IMMP2L: variants seen among roughly 807,000 people sequenced by gnomAD.
IMMP2L encodes the protein inner mitochondrial membrane peptidase subunit 2.
Under a neutral mutation model 19.3 loss-of-function variants are expected in IMMP2L, and 18 were observed. The ratio of observed to expected loss-of-function variants is 0.93; its 90% confidence interval spans 0.64 to 1.38. IMMP2L has a LOEUF of 1.38. Ranked by LOEUF, IMMP2L falls within the 40% of genes most tolerant of loss-of-function variation. The pLI is 0.00. For synonymous variants in IMMP2L, 76 were observed against 73.0 expected (o/e 1.04, Z -0.21); for missense variants, 233 against 218.2 (o/e 1.07, Z -0.43).
At position 111,419,195 on chromosome 7, in the gene IMMP2L, C is replaced by T. The variant is rs575234267; in HGVS notation, c.239+68043G>A. Among the ~76,000 whole-genome samples the T allele has an allele frequency of 5.3e-5, 8 of 151,536 alleles. No individual in the cohort carries two copies. The South Asian group carries it at 1.7e-3, about 32-fold the overall frequency. The stretch of plus-strand genomic sequence containing the variant: ...AATATATGAAGAATATATTGGCAGA[C>T]AAGACTAAAAAATTTTGAATTATTA... On this transcript the variant is annotated intron_variant, in intron 3 of 5. Coordinates refer to ENST00000405709, the MANE Select transcript of IMMP2L (RefSeq NM_032549.4).
chr7:111,172,544 GCTGCTAATTATAGTCACC>G (rs1423426890), intron 3 of IMMP2L, among the ~76,000 whole-genome samples: 2 of 151,352 alleles, frequency 1.3e-5, no homozygotes, highest in Non-Finnish European at 3.0e-5. Context: ...ATAATACATT[GCTGCTAATTATAGTCACC>G]CTATCGTGCT....
At chr7:111,201,514 A>G (rs1208872035) in intron 3 of IMMP2L, among the ~76,000 whole-genome samples, 1 of 151,966 alleles carries the variant, frequency 6.6e-6, no homozygotes, top group Admixed American at 6.6e-5. Context: ...CTAGGAGTTC[A>G]AGATCAGCCT....
At chr7:111,030,940 C>T (rs1047607848) in intron 3 of IMMP2L, among the ~76,000 whole-genome samples, 56 of 136,754 alleles carry the variant, frequency 4.1e-4, no homozygotes, top group Non-Finnish European at 7.2e-4. Context: ...TATATATACA[C>T]GAGAATTAGA....
intron 5 of IMMP2L, among the ~76,000 whole-genome samples, chr7:110,830,164 G>A (rs1803842531): frequency 6.6e-6 from 1 of 152,146 alleles, no homozygotes; most frequent in South Asian, 2.1e-4. Context: ...GGAATGATTT[G>A]TAGTGTGCTT....
chr7:111,257,165 T>C (rs972499331), intron 3 of IMMP2L, among the ~76,000 whole-genome samples: 11 of 152,144 alleles, frequency 7.2e-5, no homozygotes, highest in Non-Finnish European at 1.5e-4. Context: ...GTTGGTAGTG[T>C]TTCACACAGA....
At chr7:110,864,298 AGAAATGG>A (rs758343033) in intron 5 of IMMP2L, among the ~76,000 whole-genome samples, 1 of 152,110 alleles carries the variant, frequency 6.6e-6, no homozygotes, top group African/African-American at 2.4e-5. Context: ...AAACAACAGT[AGAAATGG>A]GTTCAATGAG....
intron 3 of IMMP2L, among the ~76,000 whole-genome samples, chr7:111,473,758 T>C (rs1220053262): frequency 6.6e-6 from 1 of 152,300 alleles, no homozygotes; most frequent in East Asian, 1.9e-4. Flanking sequence ...GAAAGAAGTT[T>C]GGAGATTTCT....
intron 5 of IMMP2L, among the ~76,000 whole-genome samples, chr7:110,832,607 G>T (rs533194166): frequency 1.3e-5 from 2 of 152,044 alleles, no homozygotes; most frequent in Non-Finnish European, 2.9e-5. Flanking sequence ...CTCGAGCTAT[G>T]TACCTACCCA....
At chr7:111,441,720 TAAAAAAAA>T (rs11312650) in intron 3 of IMMP2L, among the ~76,000 whole-genome samples, 1 of 138,246 alleles carries the variant, frequency 7.2e-6, no homozygotes, top group African/African-American at 2.7e-5. Context: ...TTCAACTTGT[TAAAAAAAA>T]AAAAAAAAGA....
chr7:110,830,892 C>T (rs982867097), intron 5 of IMMP2L, among the ~76,000 whole-genome samples: 4 of 152,128 alleles, frequency 2.6e-5, no homozygotes, highest in Admixed American at 1.3e-4. Flanking sequence ...TCACCACAGA[C>T]GTATAGCAGC....
chr7:111,073,536 T>C (rs1459682169), intron 3 of IMMP2L, among the ~76,000 whole-genome samples: 4 of 152,196 alleles, frequency 2.6e-5, no homozygotes, highest in Non-Finnish European at 5.9e-5. Context: ...TCTCTCTTCC[T>C]GGCCATTTTC....
intron 4 of IMMP2L, among the ~76,000 whole-genome samples, chr7:110,894,887 T>C (rs1811165582): frequency 6.6e-6 from 1 of 152,198 alleles, no homozygotes; most frequent in Non-Finnish European, 1.5e-5. Context: ...TTCAATTTTT[T>C]ACATATGGTT....
chr7:110,841,133 T>C (rs999283310), intron 5 of IMMP2L, among the ~76,000 whole-genome samples: 1 of 152,052 alleles, frequency 6.6e-6, no homozygotes, highest in Admixed American at 6.6e-5. Flanking sequence ...ATCAGATGAA[T>C]TAACAAATGT....
intron 5 of IMMP2L, among the ~76,000 whole-genome samples, chr7:110,843,926 G>A (rs1009495035): frequency 3.2e-4 from 49 of 152,152 alleles, no homozygotes; most frequent in African/African-American, 1.2e-3. Context: ...GAAAGGGCAG[G>A]AGAGATCTCT....
At position 110,870,579 on chromosome 7, in the gene IMMP2L, C is replaced by T. The variant is rs1585088850; in HGVS notation, c.408+16014G>A. ...GTGTGTGTGTGCACGCGCATGTGTG[C>T]GTGTGTTCCATTTTGTTAGATGCAC... On this transcript the variant is annotated intron_variant, in intron 5 of 5. Coordinates refer to ENST00000405709, the MANE Select transcript of IMMP2L (RefSeq NM_032549.4). The surrounding 1 kb of genome is among the most constrained non-coding windows in gnomAD (Gnocchi z 4.2). Among the ~76,000 whole-genome samples the T allele has an allele frequency of 6.6e-6, 1 of 151,986 alleles. No homozygotes were observed. Among genetic ancestry groups the T allele is most frequent in the Non-Finnish European group, 1.5e-5 (1 of 67,980 alleles).
At chr7:110,796,771 G>GA (rs1245316103) in intron 5 of IMMP2L, among the ~76,000 whole-genome samples, 1 of 152,028 alleles carries the variant, frequency 6.6e-6, no homozygotes, top group Non-Finnish European at 1.5e-5. Flanking sequence ...GATCACAGGT[G>GA]AAAAGATAGG....
chr7:111,453,772 C>T (rs1839434776), intron 3 of IMMP2L, among the ~76,000 whole-genome samples: 1 of 152,112 alleles, frequency 6.6e-6, no homozygotes, highest in Non-Finnish European at 1.5e-5. Context: ...AAACTCAATC[C>T]TTCCTGTTAT....
At chr7:110,776,128 ACC>A (rs1799369882) in intron 5 of IMMP2L, among the ~76,000 whole-genome samples, 1 of 152,038 alleles carries the variant, frequency 6.6e-6, no homozygotes, top group Non-Finnish European at 1.5e-5. Flanking sequence ...TCTAATGTAC[ACC>A]CTATGGATGT....
At chr7:111,079,412 C>A (rs573880591) in intron 3 of IMMP2L, among the ~76,000 whole-genome samples, 1 of 152,076 alleles carries the variant, frequency 6.6e-6, no homozygotes, top group East Asian at 1.9e-4. Context: ...CCACCGCGCC[C>A]GGCCTAATTT....
Sources: gnomAD v4.1 joint callset for allele counts (sites outside exome capture counted in the v4.1 genomes callset) on GRCh38, gnomAD v4.1.1 for gene constraint, Gnocchi (gnomAD v3.1) non-coding constraint, MANE v1.5 for transcripts, NCBI Gene and HGNC (gene_info 2026-07-23, HGNC 2026-07-21) for gene names.